Variants in COL27A1 observed in about 807,000 individuals in gnomAD.
The protein encoded by COL27A1 is collagen alpha-1(XXVII) chain.
A neutral mutation model predicts 251.3 loss-of-function variants in COL27A1; 106 were observed. The observed-to-expected ratio is 0.42, with a 90% CI of 0.36 to 0.50. The LOEUF (loss-of-function observed/expected upper bound fraction) is 0.50. COL27A1 is among the 20% of genes least tolerant of loss of function. The pLI, the probability that COL27A1 is intolerant of heterozygous loss-of-function variation, is 0.00. For missense variants in COL27A1, 2,325 were observed against 2,522.8 expected, an observed-to-expected ratio of 0.92 and a Z score of 1.68; for synonymous variants, 1,000 against 986.3, an observed-to-expected ratio of 1.01 and a Z score of -0.26.
At chr9:114,310,368 A>G (rs1829363468) in intron 60 of COL27A1, among the ~76,000 whole-genome samples, 181 bp from the exon 61 acceptor site, 1 of 152,218 alleles carries the variant, frequency 6.6e-6, no homozygotes, top group Non-Finnish European at 1.5e-5. Flanking sequence ...GATGTTCATG[A>G]CAGCATTCCT....
intron 24 of COL27A1, among the ~76,000 whole-genome samples, chr9:114,248,363 C>T (rs564310571): frequency 2.6e-5 from 4 of 152,340 alleles, no homozygotes; most frequent in Non-Finnish European, 5.9e-5. Context: ...TTCTCAGTTG[C>T]ATCCCCAGTG....
At chr9:114,184,018 T>C (rs905169715) in intron 5 of COL27A1, among the ~76,000 whole-genome samples, 1 of 152,020 alleles carries the variant, frequency 6.6e-6, no homozygotes, top group Non-Finnish European at 1.5e-5. Flanking sequence ...ATTTAGGTCA[T>C]GGGAAAAGAA....
intron 33 of COL27A1, among the ~76,000 whole-genome samples, chr9:114,266,937 A>T (rs1281001011): frequency 6.6e-6 from 1 of 152,026 alleles, no homozygotes; most frequent in African/African-American, 2.4e-5. Flanking sequence ...CCTTGCTGGG[A>T]CTTTGCCCCA....
intron 37 of COL27A1, among the ~76,000 whole-genome samples, chr9:114,278,309 T>TGGA (rs1835633793): frequency 9.4e-6 from 1 of 106,748 alleles, no homozygotes; most frequent in Non-Finnish European, 1.9e-5. Flanking sequence ...GTGGTGGTAG[T>TGGA]GGTGACTGTG....
At chr9:114,212,380 T>TG (rs1330252041) in intron 12 of COL27A1, among the ~76,000 whole-genome samples, 1 of 152,270 alleles carries the variant, frequency 6.6e-6, no homozygotes, top group African/African-American at 2.4e-5. Flanking sequence ...ATGCCTGCTA[T>TG]GGGCCAAGCA....
In COL27A1 at chr9:114,265,048, C is replaced by T; in HGVS notation, c.3295-18C>T. The T allele has an allele frequency of 6.2e-7, 1 of 1,613,826 alleles. No individual in the cohort carries two copies. The highest frequency in any genetic ancestry group is 1.1e-5 in the South Asian group (1 of 91,058). On this transcript the variant is annotated intron_variant, in intron 30 of 60. Transcript: ENST00000356083. Reference sequence around the variant, plus strand: ...CTTTGTGATCTGAGCCTGTAATGACCCCCACATGTGCTTCCAGGGTGTGGC... The same window carrying T: ...CTTTGTGATCTGAGCCTGTAATGACTCCCACATGTGCTTCCAGGGTGTGGC...
At chr9:114,205,618 G>A (rs1829898985) in intron 8 of COL27A1, 141 bp from the exon 9 acceptor site, 1 of 774,894 alleles carries the variant, frequency 1.3e-6, no homozygotes. Context: ...GTGGGCTTGG[G>A]GGCCCTCCCC....
chr9:114,301,835 C>G (rs967923946), intron 55 of COL27A1, 118 bp downstream of exon 55: 28 of 1,052,018 alleles, frequency 2.7e-5, no homozygotes, highest in Non-Finnish European at 3.6e-5. Flanking sequence ...TCTTGTAGCC[C>G]ACAGACTCCT....
intron 49 of COL27A1, among the ~76,000 whole-genome samples, chr9:114,293,506 CAA>C (rs1221577569): frequency 2.3e-5 from 3 of 130,776 alleles, no homozygotes; most frequent in Admixed American, 7.9e-5. Context: ...AAATTTAAAA[CAA>C]AGTGAGCAGA....
intron 1 of COL27A1, among the ~76,000 whole-genome samples, chr9:114,161,154 T>G (rs776417418): frequency 9.9e-5 from 15 of 151,646 alleles, no homozygotes; most frequent in Non-Finnish European, 1.5e-4. Flanking sequence ...CTCATGGGGC[T>G]TGTTACCTTA....
chr9:114,265,699 G>A (rs1305396710), intron 32 of COL27A1, among the ~76,000 whole-genome samples: 1 of 152,230 alleles, frequency 6.6e-6, no homozygotes, highest in African/African-American at 2.4e-5. Flanking sequence ...AAATGGGGGT[G>A]ATTGTCTCTG....
chr9:114,242,601 T>C (rs1832833961), intron 22 of COL27A1, among the ~76,000 whole-genome samples: 1 of 152,226 alleles, frequency 6.6e-6, no homozygotes, highest in South Asian at 2.1e-4. Flanking sequence ...CTCTGCACTC[T>C]TCCAAGCTGC....
rs757766671 is a variant in COL27A1 at position 114,231,839 on chromosome 9, G to T, written c.2538G>T (p.Val846=). The T allele has an allele frequency of 2.5e-6, 4 of 1,614,060 alleles. No homozygotes were observed. Among genetic ancestry groups the T allele is most frequent in the African/African-American group, 1.3e-5 (1 of 74,936 alleles). The change falls in exon 16 of 61, where the codon GTG becomes GTT. Residue 846 remains valine (V), a synonymous_variant. Coordinates refer to ENST00000356083, the MANE Select transcript of COL27A1 (RefSeq NM_032888.4). ...TCTTGCAGGGACTGATGGGCAGCGT[G>T]GGGGAGCCCGGACTGAAAGGTGATA... ...PKGMKGLMGS[V]GEPGLKGDKG... is the part of the protein sequence containing the mutation.
At chr9:114,253,521 A>G (rs1175198890) in intron 27 of COL27A1, among the ~76,000 whole-genome samples, 1 of 110,198 alleles carries the variant, frequency 9.1e-6, no homozygotes, top group African/African-American at 3.0e-5. Flanking sequence ...GAACAGAAGA[A>G]CAGAAGAGAA....
chr9:114,298,349 G>T (rs1486180503), intron 49 of COL27A1, among the ~76,000 whole-genome samples: 1 of 152,048 alleles, frequency 6.6e-6, no homozygotes, highest in African/African-American at 2.4e-5. Flanking sequence ...CTGACAAATT[G>T]ATCCTAAAAT....
rs369138290 is a variant in COL27A1 at position 114,301,515 on chromosome 9, G to T, written c.4809+53G>T. The T allele has an allele frequency of 1.1e-5, 18 of 1,583,520 alleles. No homozygotes were observed. The African/African-American group carries it at 2.4e-4, about 22-fold the overall frequency. Reference sequence around the variant, plus strand: ...GGGCGGGGCGTGGGGCGGGCACCCTGCATTCTCCTCCCGGTGGTACATTCT... The same window carrying T: ...GGGCGGGGCGTGGGGCGGGCACCCTTCATTCTCCTCCCGGTGGTACATTCT... On this transcript the variant is annotated intron_variant, in intron 54 of 60. Coordinates refer to ENST00000356083, the MANE Select transcript of COL27A1 (RefSeq NM_032888.4).
rs753264928 is a variant in COL27A1, at chr9:114,237,046, C to G, written c.2673+12C>G. 3 of 1,594,350 alleles carry G rather than the reference C, an allele frequency of 1.9e-6. No individual in the cohort carries two copies. The highest frequency in any genetic ancestry group is 2.6e-6 in the Non-Finnish European group (3 of 1,170,312). On this transcript the variant is annotated intron_variant, in intron 18 of 60. Coordinates refer to ENST00000356083, the MANE Select transcript of COL27A1 (RefSeq NM_032888.4). The stretch of plus-strand genomic sequence containing the variant: ...AGCCAGGGCCTCTGGTAAGTACCTG[C>G]TCCTCCAGCACCCCCAAACCTCACA...
Position 114,168,314 on chromosome 9 carries a change from C to T in COL27A1, c.759C>T (p.Asp253=). 1 of 1,613,400 alleles carries T rather than the reference C, an allele frequency of 6.2e-7. No homozygotes were observed. Residue 253 remains aspartate, a synonymous_variant, in exon 3 of 61, where the codon GAC becomes GAT. Coordinates refer to ENST00000356083, the MANE Select transcript of COL27A1 (RefSeq NM_032888.4). ...CACTGGGACCTCTCTTCTCCCAAGA[C>T]TCTGGCAGACCTTTTACCTTCCAGT... The part of the protein sequence containing the change: ...QSPLGPLFSQ[D]SGRPFTFQSD...
In COL27A1 at chr9:114,168,325, C is replaced by T. The variant is rs146040174; in HGVS notation, c.770C>T (p.Pro257Leu). ...GPLFSQDSGR[P>L]FTFQSDLALL... is the part of the protein sequence containing the mutation. ...CTCTTCTCCCAAGACTCTGGCAGAC[C>T]TTTTACCTTCCAGTCCGACCTCGCC... The change falls in exon 3 of 61, where the codon CCT becomes CTT. Residue 257 changes from proline to leucine, a missense_variant. Transcript: ENST00000356083. 6.2e-7 allele frequency: 1 copy of T among 1,613,310 alleles called. No homozygotes were observed. The highest frequency in any genetic ancestry group is 1.3e-5 in the African/African-American group (1 of 75,042).
Sources: gnomAD v4.1 joint callset for allele counts (sites outside exome capture counted in the v4.1 genomes callset) on GRCh38, gnomAD v4.1.1 for gene constraint, MANE v1.5 for transcripts, NCBI Gene and HGNC (gene_info 2026-07-23, HGNC 2026-07-21) for gene names.